The following SLFN12 variants were observed in gnomAD, a reference collection of about 807,000 sequenced individuals.
SLFN12 encodes ribonuclease SLFN12.
Under a neutral mutation model 29.1 loss-of-function variants are expected in SLFN12, and 25 were observed. The observed-to-expected ratio is 0.86, with a 90% CI of 0.63 to 1.20. The LOEUF (loss-of-function observed/expected upper bound fraction) is 1.20, where lower values mean the gene tolerates loss of function less well. Ranked by LOEUF, SLFN12 falls within the 50% of genes most tolerant of loss-of-function variation. The pLI, the probability that SLFN12 is intolerant of heterozygous loss-of-function variation, is 0.00. For synonymous variants in SLFN12, 257 were observed against 238.7 expected, an observed-to-expected ratio of 1.08 and a Z score of -0.71; for missense variants, 660 against 666.2, an observed-to-expected ratio of 0.99 and a Z score of 0.10.
chr17:35,424,073 T>A (rs1003831626), intron 1 of SLFN12, among the ~76,000 whole-genome samples: 1 of 152,154 alleles, frequency 6.6e-6, no homozygotes, highest in Non-Finnish European at 1.5e-5. Flanking sequence ...AGTCTATGTA[T>A]CCCTAATCCA....
At chr17:35,421,693 T>C (rs757975062) in intron 2 of SLFN12, among the ~76,000 whole-genome samples, 67 of 151,852 alleles carry the variant, frequency 4.4e-4, no homozygotes, top group Middle Eastern at 3.4e-3. Flanking sequence ...GCACGTGCCA[T>C]CACACCCAGC....
At position 35,423,070 on chromosome 17, in the gene SLFN12, T is replaced by C. The variant is rs1408558663; in HGVS notation, c.-40-2A>G. The stretch of plus-strand genomic sequence containing the variant: ...CAGTGTCCAAGCAGAAATTCTTTTC[T>C]GTAAAATAGACAGAGCCATTAGAAT... On this transcript the variant is annotated splice_acceptor_variant, in intron 1 of 3. Coordinates refer to ENST00000304905, the MANE Select transcript of SLFN12 (RefSeq NM_018042.5). LOFTEE classifies it low-confidence loss of function (5UTR_SPLICE). 1.2e-5 allele frequency: 19 copies of C among 1,558,024 alleles called. No individual in the cohort carries two copies. Among genetic ancestry groups the C allele is most frequent in the East Asian group, 2.2e-5 (1 of 44,624 alleles).
At chr17:35,413,491 TAA>T (rs1911150060) in intron 3 of SLFN12, among the ~76,000 whole-genome samples, 1 of 152,114 alleles carries the variant, frequency 6.6e-6, no homozygotes, top group Non-Finnish European at 1.5e-5. Context: ...CTCACGCCTG[TAA>T]TCCCAGCACT....
intron 1 of SLFN12, among the ~76,000 whole-genome samples, chr17:35,425,838 C>CTTT (rs58492425): frequency 0.069 from 2,687 of 39,194 alleles, 397 homozygotes; most frequent in Non-Finnish European, 0.079. Context: ...CTTTTCTTTT[C>CTTT]TTTTTTTTTT....
chr17:35,412,971 T>G (rs1911110031), intron 3 of SLFN12, among the ~76,000 whole-genome samples: 1 of 151,796 alleles, frequency 6.6e-6, no homozygotes, highest in African/African-American at 2.4e-5. Context: ...TAATAAGAAC[T>G]TATTTGATAA....
chr17:35,411,563 G>A lies in SLFN12; in HGVS notation c.1512C>T (p.Gly504=). Residue 504 remains glycine (G), a synonymous_variant, in exon 4 of 4, where the codon GGC becomes GGT. Transcript: ENST00000304905. ...MTKIFYLSPE[G]MTSCQYDLRS... ...TTAAATCATACTGGCAGCTTGTCAT[G>A]CCTTCAGGGCTCAAGTAGAAGATCT... 1.2e-6 allele frequency: 2 copies of A among 1,614,074 alleles called. No homozygotes were observed. The highest frequency in any genetic ancestry group is 1.1e-5 in the South Asian group (1 of 91,076).
At chr17:35,413,998 A>C (rs1911182880) in intron 3 of SLFN12, among the ~76,000 whole-genome samples, 1 of 152,068 alleles carries the variant, frequency 6.6e-6, no homozygotes, top group Non-Finnish European at 1.5e-5. Context: ...CACAGCAAAG[A>C]CCATATATAA....
At position 35,422,906 on chromosome 17, in the gene SLFN12, A is replaced by C; in HGVS notation, c.123T>G (p.Asn41Lys). 1 of 1,613,888 alleles carries C rather than the reference A, an allele frequency of 6.2e-7. No homozygotes were observed. The highest frequency in any genetic ancestry group is 2.2e-5 in the East Asian group (1 of 44,886). The change falls in exon 2 of 4, where the codon AAT becomes AAG. Residue 41 changes from asparagine to lysine, a missense_variant. Asn to Lys is a moderately conservative substitution (Grantham distance 94). Coordinates refer to ENST00000304905, the MANE Select transcript of SLFN12 (RefSeq NM_018042.5). ...CACACATAGCTCGTGAGACACTTTC[A>C]TTCTGCTTTTTTCTCAGTTTACAAT... ...MKDCKLRKKQ[N>K]ESVSRAMCAL... is the part of the protein sequence containing the mutation.
At chr17:35,419,695 T>C (rs1387327978) in intron 3 of SLFN12, among the ~76,000 whole-genome samples, 2 of 152,166 alleles carry the variant, frequency 1.3e-5, no homozygotes, top group Non-Finnish European at 2.9e-5. Flanking sequence ...ATGACCTATC[T>C]ACTTTCAAAA....
At position 35,411,951 on chromosome 17, in the gene SLFN12, A is replaced by C. The variant is rs375205749; in HGVS notation, c.1148-24T>G. On this transcript the variant is annotated intron_variant, in intron 3 of 3. Coordinates refer to ENST00000304905, the MANE Select transcript of SLFN12 (RefSeq NM_018042.5). ...CCCTGAATAAGGAAATAATAATAATAAATTATAAAACACTAGGAAGTTCCC... is the reference window on the plus strand; with the variant it reads ...CCCTGAATAAGGAAATAATAATAATCAATTATAAAACACTAGGAAGTTCCC... 29 of 1,485,502 alleles carry C rather than the reference A, an allele frequency of 2.0e-5. No individual in the cohort carries two copies. The African/African-American group carries it at 3.6e-4, about 19-fold the overall frequency. 92.0% of individuals were successfully genotyped at this position (1,485,502 alleles called of 1,614,324 possible).
intron 1 of SLFN12, among the ~76,000 whole-genome samples, chr17:35,429,011 C>A (rs561139840): frequency 6.6e-6 from 1 of 152,174 alleles, no homozygotes; most frequent in African/African-American, 2.4e-5. Flanking sequence ...CAGCCCCAGC[C>A]CTACAATTTT....
chr17:35,420,258 G>C lies in SLFN12; in HGVS notation c.1147+16C>G. The stretch of plus-strand genomic sequence containing the variant: ...CAGTCACACTAACAAATCCGAAGAA[G>C]CCAGAATGAAATTACCTGGACAGTG... On this transcript the variant is annotated intron_variant, in intron 3 of 3. Transcript: ENST00000304905. 6.4e-7 allele frequency: 1 copy of C among 1,574,084 alleles called. No homozygotes were observed. The highest frequency in any genetic ancestry group is 8.7e-7 in the Non-Finnish European group (1 of 1,144,784).
chr17:35,431,769 A>T (rs892297068), intron 1 of SLFN12: 32 of 152,158 alleles, frequency 2.1e-4, no homozygotes, highest in African/African-American at 2.4e-5. Context: ...CACTAGAGTG[A>T]TAGTCATGAA....
intron 1 of SLFN12, among the ~76,000 whole-genome samples, chr17:35,426,732 G>C (rs527766238): frequency 6.6e-6 from 1 of 152,138 alleles, no homozygotes; most frequent in Non-Finnish European, 1.5e-5. Flanking sequence ...AACCTTCAGT[G>C]ATGGGCTAAG....
chr17:35,420,645 TA>T (rs1243436769), intron 2 of SLFN12: 2 of 276,510 alleles, frequency 7.2e-6, no homozygotes, highest in East Asian at 8.8e-5. Context: ...TAATTGGGTT[TA>T]TTTTTAAAGC....
rs748794666 is a variant in SLFN12, at chr17:35,423,057, A to G, written c.-29T>C. ...CCCAGCAGCTATGCAGTGTCCAAGC[A>G]GAAATTCTTTTCTGTAAAATAGACA... On this transcript the variant is annotated 5_prime_UTR_variant, in exon 2 of 4. Transcript: ENST00000304905. 1 of 1,568,516 alleles carries G rather than the reference A, an allele frequency of 6.4e-7. No homozygotes were observed. Among genetic ancestry groups the G allele is most frequent in the African/African-American group, 1.4e-5 (1 of 73,654 alleles).
rs571364463 is a variant in SLFN12 at position 35,421,371 on chromosome 17, A to G, written c.1039+619T>C. 6.1e-4 allele frequency among the ~76,000 whole-genome samples: 93 copies of G among 151,860 alleles called. 1 individual carries two copies. The highest frequency in any genetic ancestry group is 1.1e-3 in the Non-Finnish European group (72 of 67,960). On this transcript the variant is annotated intron_variant, in intron 2 of 3. Coordinates refer to ENST00000304905, the MANE Select transcript of SLFN12 (RefSeq NM_018042.5). ...CTCAGAAACAAAAAGGAAAAGGATTAAACGGGGTTTCCTTCAAAACTAGTA... is the reference window on the plus strand; with the variant it reads ...CTCAGAAACAAAAAGGAAAAGGATTGAACGGGGTTTCCTTCAAAACTAGTA...
intron 3 of SLFN12, among the ~76,000 whole-genome samples, chr17:35,416,801 C>T (rs1911343565): frequency 6.6e-6 from 1 of 152,074 alleles, no homozygotes; most frequent in African/African-American, 2.4e-5. Flanking sequence ...AGCCTGTAAT[C>T]CTAGAGCCCT....
intron 1 of SLFN12, among the ~76,000 whole-genome samples, chr17:35,426,048 T>C (rs957566693): frequency 1.3e-5 from 2 of 151,792 alleles, no homozygotes; most frequent in Non-Finnish European, 2.9e-5. Flanking sequence ...TGATGATTAG[T>C]AATGTTGAGC....
Sources: gnomAD v4.1 joint callset for allele counts (sites outside exome capture counted in the v4.1 genomes callset) on GRCh38, gnomAD v4.1.1 for gene constraint, MANE v1.5 for transcripts, NCBI Gene and HGNC (gene_info 2026-07-23, HGNC 2026-07-21) for gene names.